NAALADL2: variants seen among roughly 807,000 people sequenced by gnomAD.
NAALADL2 encodes inactive N-acetylated-alpha-linked acidic dipeptidase-like protein 2.
In NAALADL2, 76 loss-of-function variants were observed where a neutral mutation model predicts 87.2. The observed-to-expected ratio is 0.87, with a 90% CI of 0.72 to 1.05. The LOEUF is 1.05. Ranked by LOEUF, NAALADL2 falls within the 50% of genes least tolerant of loss-of-function variation. NAALADL2 has a pLI of 0.00. For missense variants in NAALADL2, 1,089 were observed against 945.8 expected, an observed-to-expected ratio of 1.15 and a Z score of -1.99; for synonymous variants, 354 against 331.0, an observed-to-expected ratio of 1.07 and a Z score of -0.75.
chr3:175,242,691 A>G (rs1747146939), intron 3 of NAALADL2, among the ~76,000 whole-genome samples: 1 of 152,232 alleles, frequency 6.6e-6, no homozygotes, highest in Non-Finnish European at 1.5e-5. Flanking sequence ...GGTCTCACTA[A>G]TATAACAAGA....
At chr3:175,266,041 A>C (rs1207759386) in intron 4 of NAALADL2, among the ~76,000 whole-genome samples, 1 of 150,744 alleles carries the variant, frequency 6.6e-6, no homozygotes, top group Non-Finnish European at 1.5e-5. Flanking sequence ...GCAGTTAAAA[A>C]AAGCCTTTAT....
chr3:175,397,488 G>T (rs1769957334), intron 5 of NAALADL2: 1 of 152,158 alleles, frequency 6.6e-6, no homozygotes, highest in Admixed American at 6.6e-5. Context: ...GCTTCATGGG[G>T]TGAATATTTA....
intron 5 of NAALADL2, among the ~76,000 whole-genome samples, chr3:175,405,706 A>C (rs1448643150): frequency 9.5e-6 from 1 of 105,318 alleles, no homozygotes; most frequent in Admixed American, 1.1e-4. Context: ...GAATGAAAAG[A>C]ACGTTTCTTG....
At chr3:174,618,511 G>T (rs2108659268) in intron 2 of NAALADL2, among the ~76,000 whole-genome samples, 1 of 151,806 alleles carries the variant, frequency 6.6e-6, no homozygotes, top group South Asian at 2.1e-4. Flanking sequence ...GCTTAAAGCA[G>T]TTATTTCCTG....
chr3:175,061,525 G>A (rs536782089), intron 1 of NAALADL2, among the ~76,000 whole-genome samples: 1 of 152,050 alleles, frequency 6.6e-6, no homozygotes, highest in Admixed American at 6.6e-5. Context: ...TAAAGTGATG[G>A]CAAAAGAAAC....
At position 175,748,568 on chromosome 3, in the gene NAALADL2, A is replaced by G. The variant is rs539779298; in HGVS notation, c.1991-6652A>G. ...CTTTAAAACTGTGGTAAGCTCATCCATAGGATAATAGGTTCTGGGAAATAC... is the reference window on the plus strand; with the variant it reads ...CTTTAAAACTGTGGTAAGCTCATCCGTAGGATAATAGGTTCTGGGAAATAC... On this transcript the variant is annotated intron_variant, in intron 12 of 13. Transcript: ENST00000454872. 3.4e-3 allele frequency among the ~76,000 whole-genome samples: 521 copies of G among 152,344 alleles called. 2 individuals carry two copies. The highest frequency in any genetic ancestry group is 0.021 in the South Asian group (102 of 4,834).
chr3:175,009,087 T>C (rs1451428844), intron 1 of NAALADL2, among the ~76,000 whole-genome samples: 1 of 152,154 alleles, frequency 6.6e-6, no homozygotes, highest in Non-Finnish European at 1.5e-5. Context: ...ACTTTGGCTG[T>C]TTCAGAACCA....
chr3:175,670,501 T>TATATATATTAA (rs1733822583), intron 11 of NAALADL2, among the ~76,000 whole-genome samples: 1 of 99,068 alleles, frequency 1.0e-5, no homozygotes, highest in African/African-American at 5.2e-5. Flanking sequence ...AAATTTAATA[T>TATATATATTAA]ATTTATATTA....
intron 1 of NAALADL2, among the ~76,000 whole-genome samples, chr3:174,495,899 G>C (rs1051851152): frequency 2.0e-5 from 3 of 152,172 alleles, no homozygotes; most frequent in Non-Finnish European, 4.4e-5. Flanking sequence ...CATGCATACA[G>C]AAAACTTTGT....
At chr3:175,447,113 G>A in intron 5 of NAALADL2, 116 bp from the exon 6 acceptor site, 1 of 626,298 alleles carries the variant, frequency 1.6e-6, no homozygotes, top group Non-Finnish European at 2.7e-6. Flanking sequence ...AGATAAACAA[G>A]TGAATGAATA....
intron 2 of NAALADL2, among the ~76,000 whole-genome samples, chr3:174,687,029 G>A (rs2108841806): frequency 6.6e-6 from 1 of 151,946 alleles, no homozygotes; most frequent in Admixed American, 6.6e-5. Context: ...TCTGTCTTAT[G>A]GCTTCCAATC....
intron 1 of NAALADL2, among the ~76,000 whole-genome samples, chr3:175,087,679 T>C (rs1269400610): frequency 6.6e-5 from 10 of 151,316 alleles, no homozygotes; most frequent in East Asian, 3.9e-4. Flanking sequence ...CGGTGCAAGA[T>C]GTGCTTTGTT....
intron 1 of NAALADL2, among the ~76,000 whole-genome samples, chr3:174,471,467 AG>A (rs1716900776): frequency 6.6e-6 from 1 of 152,140 alleles, no homozygotes; most frequent in South Asian, 2.1e-4. Flanking sequence ...CTAATAAATT[AG>A]AGTCTTGGGC....
chr3:175,096,949 G>T lies in NAALADL2; in HGVS notation c.203G>T (p.Gly68Val). Residue 68 changes from glycine (G) to valine (V), a missense_variant, in exon 2 of 14, where the codon GGT (glycine) becomes GTT (valine). By Grantham distance (109) the Gly-to-Val change is moderately radical. Coordinates refer to ENST00000454872, the MANE Select transcript of NAALADL2 (RefSeq NM_207015.3). The stretch of plus-strand genomic sequence containing the variant: ...GGTTTTGACCAATTCCAGCTAGACG[G>T]TGCTGAGAATCAGAACCTAGGGCAT... ...ESGFDQFQLDGAENQNLGHSE... is the reference protein window; with the variant it reads ...ESGFDQFQLDVAENQNLGHSE... 1.2e-6 allele frequency: 2 copies of T among 1,613,334 alleles called. No individual in the cohort carries two copies. The highest frequency in any genetic ancestry group is 8.5e-7 in the Non-Finnish European group (1 of 1,179,644).
intron 3 of NAALADL2, among the ~76,000 whole-genome samples, chr3:174,754,144 G>T (rs963661410): frequency 6.6e-6 from 1 of 152,100 alleles, no homozygotes; most frequent in Admixed American, 6.5e-5. Context: ...TAACTGTTAC[G>T]TCTTTTTTAA....
chr3:175,577,708 A>G (rs191250293), intron 10 of NAALADL2, among the ~76,000 whole-genome samples: 12 of 152,332 alleles, frequency 7.9e-5, no homozygotes, highest in African/African-American at 2.9e-4. Flanking sequence ...GGAGTCCCCT[A>G]TGCTTTATAA....
intron 4 of NAALADL2, among the ~76,000 whole-genome samples, chr3:175,305,047 G>A (rs1023444653): frequency 6.6e-6 from 1 of 151,808 alleles, no homozygotes; most frequent in Non-Finnish European, 1.5e-5. Flanking sequence ...AGATGCTGTT[G>A]ATTTGCTCTG....
intron 1 of NAALADL2, among the ~76,000 whole-genome samples, chr3:174,466,820 C>T (rs1442563698): frequency 1.3e-5 from 2 of 152,094 alleles, no homozygotes; most frequent in Non-Finnish European, 2.9e-5. Flanking sequence ...GTTTCATACA[C>T]GAGACATTTG....
chr3:174,459,741 A>G (rs1206581195), intron 1 of NAALADL2: 1 of 152,206 alleles, frequency 6.6e-6, no homozygotes, highest in Non-Finnish European at 1.5e-5. Flanking sequence ...GAAGCTTTAC[A>G]AAGTAGTATT....
Sources: allele counts gnomAD v4.1 joint callset (sites outside exome capture counted in the v4.1 genomes callset), GRCh38; gene constraint gnomAD v4.1.1; transcripts MANE v1.5; gene names NCBI Gene and HGNC (gene_info 2026-07-23, HGNC 2026-07-21).